Variants in MACF1 observed in about 807,000 individuals in gnomAD.
MACF1 encodes the protein microtubule-actin cross-linking factor 1.
Under a neutral mutation model 854.8 loss-of-function variants are expected in MACF1, and 193 were observed. The observed-to-expected ratio is 0.23, with a 90% CI of 0.20 to 0.25. MACF1 has a LOEUF of 0.25. MACF1 is among the 10% of genes least tolerant of loss of function. The pLI, the probability that MACF1 is intolerant of heterozygous loss-of-function variation, is 1.00. For synonymous variants in MACF1, 3,185 were observed against 3,226.7 expected (o/e 0.99, Z 0.44); for missense variants, 7,722 against 8,929.1 (o/e 0.86, Z 5.45).
intron 1 of MACF1, among the ~76,000 whole-genome samples, chr1:39,205,878 T>C (rs1403863217): frequency 6.6e-6 from 1 of 152,154 alleles, no homozygotes; most frequent in Non-Finnish European, 1.5e-5. Flanking sequence ...TTCTAAACAC[T>C]CAGAGCAGGG....
intron 6 of MACF1, chr1:39,269,737 A>C: frequency 7.8e-7 from 1 of 1,280,294 alleles, no homozygotes; most frequent in Non-Finnish European, 1.0e-6. Context: ...GGGCATGTTC[A>C]AGAGATAATC....
At chr1:39,325,007 A>G (rs1646583060) in intron 35 of MACF1, among the ~76,000 whole-genome samples, 1 of 152,252 alleles carries the variant, frequency 6.6e-6, no homozygotes, top group Non-Finnish European at 1.5e-5. Flanking sequence ...GAGGCCTGTT[A>G]AGAGGCTATT....
At chr1:39,228,492 G>A (rs1186652371) in intron 1 of MACF1, among the ~76,000 whole-genome samples, 2 of 152,220 alleles carry the variant, frequency 1.3e-5, no homozygotes, top group Non-Finnish European at 1.5e-5. Flanking sequence ...CAGATGACAC[G>A]GGCTTGGAAA....
At chr1:39,406,659 C>G (rs781428929) in intron 58 of MACF1, among the ~76,000 whole-genome samples, 1 of 140,446 alleles carries the variant, frequency 7.1e-6, no homozygotes, top group Non-Finnish European at 1.5e-5. Flanking sequence ...CGCTTGAACC[C>G]AGGAGGCAAA....
At chr1:39,273,063 T>C (rs960068021) in intron 6 of MACF1, among the ~76,000 whole-genome samples, 3 of 152,130 alleles carry the variant, frequency 2.0e-5, no homozygotes, top group Non-Finnish European at 4.4e-5. Context: ...CCATCTTGAC[T>C]TCTGCTGCCA....
Position 39,302,388 on chromosome 1 carries a change from G to GA in MACF1, c.2635-528dup, listed in dbSNP as rs112723241. 1.4e-3 allele frequency among the ~76,000 whole-genome samples: 210 copies of GA among 151,904 alleles called. 2 individuals are homozygous for GA. Among genetic ancestry groups the GA allele is most frequent in the Admixed American group, 0.013 (204 of 15,264 alleles). On this transcript the variant is annotated intron_variant, in intron 22 of 100. Coordinates refer to ENST00000564288, the MANE Select transcript of MACF1 (RefSeq NM_001394062.1). ...AAAAGAATGAATGAATTAAGAAATG[G>GA]AAAAAAAATTTAAAAATGGGACTGT...
intron 1 of MACF1, among the ~76,000 whole-genome samples, chr1:39,224,546 T>A (rs554750394): frequency 1.3e-5 from 2 of 152,236 alleles, no homozygotes; most frequent in Admixed American, 1.3e-4. Context: ...GGGAGAGCAA[T>A]TTCAGTGAAT....
chr1:39,310,314 C>T lies in MACF1; in HGVS notation c.2986C>T (p.Leu996=). 6.2e-7 allele frequency: 1 copy of T among 1,614,172 alleles called. No individual in the cohort carries two copies. The highest frequency in any genetic ancestry group is 8.5e-7 in the Non-Finnish European group (1 of 1,180,012). Residue 996 remains leucine, a synonymous_variant, in exon 25 of 101, where the codon CTG becomes TTG. Transcript: ENST00000564288. The part of the protein sequence containing the change: ...KNLQAHYEDF[L]QDSRDSVLFS... Reference sequence around the variant, plus strand: ...CCTTCAGGCCCACTATGAAGACTTTCTGCAGGATAGTCGTGACTCTGTGCT... The same window carrying T: ...CCTTCAGGCCCACTATGAAGACTTTTTGCAGGATAGTCGTGACTCTGTGCT...
At chr1:39,411,243 A>G in intron 58 of MACF1, 1 of 1,613,902 alleles carries the variant, frequency 6.2e-7, no homozygotes, top group Non-Finnish European at 8.5e-7. Context: ...AGGATGAGCG[A>G]TGGATTATGA....
At position 39,253,463 on chromosome 1, in the gene MACF1, G is replaced by A. The variant is rs139202232; in HGVS notation, c.358-835G>A. 9.1e-3 allele frequency among the ~76,000 whole-genome samples: 1,367 copies of A among 150,416 alleles called. 10 individuals are homozygous for A. Among genetic ancestry groups the A allele is most frequent in the Non-Finnish European group, 0.015 (1,018 of 67,726 alleles). ...TTGGATTTTTTCACTTGTTTCTTGAGCATATGTAACTTCTCATTTCCTATG... is the reference window on the plus strand; with the variant it reads ...TTGGATTTTTTCACTTGTTTCTTGAACATATGTAACTTCTCATTTCCTATG... On this transcript the variant is annotated intron_variant, in intron 4 of 100. Transcript: ENST00000564288.
At chr1:39,446,326 AAT>A (rs34861991) in intron 80 of MACF1, among the ~76,000 whole-genome samples, 60,511 of 151,212 alleles carry the variant, frequency 0.4, 14,180 homozygotes, top group African/African-American at 0.66. Context: ...AGATATAAAA[AAT>A]ATATAAAGAA....
In MACF1 at chr1:39,295,866, A is replaced by C. The variant is rs1248220767; in HGVS notation, c.2339A>C (p.Asn780Thr). ...TGTGTTGAGCAGCATGTGAAAGAGAATACTGCTTATTTTCAGGTGTGATGG... is the reference window on the plus strand; with the variant it reads ...TGTGTTGAGCAGCATGTGAAAGAGACTACTGCTTATTTTCAGGTGTGATGG... ...CLCVEQHVKE[N>T]TAYFQFFSDA... The change falls in exon 20 of 101, where the codon AAT (asparagine) becomes ACT (threonine). Residue 780 changes from asparagine to threonine, a missense_variant. Around this residue, in one of 15 missense-constraint regions of MACF1, gnomAD observed 1,137 missense variants for 1,263.0 expected, o/e 0.90. Transcript: ENST00000564288. The C allele has an allele frequency of 1.9e-5, 30 of 1,613,890 alleles. No individual in the cohort carries two copies. Among genetic ancestry groups the C allele is most frequent in the Non-Finnish European group, 2.4e-5 (28 of 1,179,930 alleles).
intron 1 of MACF1, among the ~76,000 whole-genome samples, chr1:39,229,664 T>C (rs1242440259): frequency 2.6e-5 from 4 of 152,184 alleles, no homozygotes; most frequent in Non-Finnish European, 5.9e-5. Flanking sequence ...CAGGGGGAGT[T>C]CCTGGGGTAT....
At chr1:39,114,497 A>G (rs138060815) in intron 2 of MACF1, among the ~76,000 whole-genome samples, 141 of 152,264 alleles carry the variant, frequency 9.3e-4, no homozygotes, top group African/African-American at 3.1e-3. Context: ...GGAGGCTGAG[A>G]CAGGAGGATC....
intron 58 of MACF1, among the ~76,000 whole-genome samples, chr1:39,393,196 A>AATATAT (rs1553345251): frequency 0.016 from 1,093 of 66,512 alleles, 20 homozygotes; most frequent in East Asian, 0.032. Context: ...AAAAAAAAAA[A>AATATAT]ATATATATAT....
chr1:39,249,579 C>G (rs945141109), intron 2 of MACF1, among the ~76,000 whole-genome samples: 2 of 152,142 alleles, frequency 1.3e-5, no homozygotes, highest in African/African-American at 4.8e-5. Flanking sequence ...ATTGGAAATA[C>G]ACCCCAGGAA....
intron 56 of MACF1, among the ~76,000 whole-genome samples, chr1:39,383,829 A>T (rs678672): frequency 0.04 from 6,085 of 152,156 alleles, 328 homozygotes; most frequent in African/African-American, 0.12. Context: ...GTGAGCCGAG[A>T]TCGCACCACT....
At chr1:39,155,721 TTTTA>T (rs1643668982) in intron 2 of MACF1, among the ~76,000 whole-genome samples, 1 of 152,198 alleles carries the variant, frequency 6.6e-6, no homozygotes, top group South Asian at 2.1e-4. Flanking sequence ...AGACTTAGTA[TTTTA>T]TTTATTTATT....
At chr1:39,404,223 G>A (rs562946759) in intron 58 of MACF1, among the ~76,000 whole-genome samples, 1 of 151,502 alleles carries the variant, frequency 6.6e-6, no homozygotes, top group Non-Finnish European at 1.5e-5. Context: ...TGCTGGGCAT[G>A]GTGGCTCATG....
Sources: gnomAD v4.1 joint callset for allele counts (sites outside exome capture counted in the v4.1 genomes callset) on GRCh38, gnomAD v4.1.1 for gene constraint, gnomAD v4.1.1 regional missense constraint, MANE v1.5 for transcripts, NCBI Gene and HGNC (gene_info 2026-07-23, HGNC 2026-07-21) for gene names.